PHF21A: variants seen among roughly 807,000 people sequenced by gnomAD.
PHF21A encodes the protein PHD finger protein 21A.
PHF21A carries 11 observed loss-of-function variants against 82.5 expected under a neutral mutation model. The ratio of observed to expected loss-of-function variants is 0.13; its 90% CI spans 0.08 to 0.22. PHF21A has a LOEUF of 0.22. PHF21A is among the 10% of genes least tolerant of loss of function. PHF21A has a pLI of 1.00. For missense variants in PHF21A, 579 were observed against 837.8 expected, an observed-to-expected ratio of 0.69 and a Z score of 3.81; for synonymous variants, 297 against 302.8, an observed-to-expected ratio of 0.98 and a Z score of 0.20.
intron 6 of PHF21A, among the ~76,000 whole-genome samples, chr11:46,059,031 C>G (rs2096496991): frequency 6.6e-6 from 1 of 152,174 alleles, no homozygotes; most frequent in East Asian, 1.9e-4. Flanking sequence ...TAATACAGTT[C>G]CAATAATTCC....
intron 8 of PHF21A, chr11:45,970,607 T>C (rs866656999): frequency 6.6e-6 from 1 of 152,242 alleles, no homozygotes; most frequent in East Asian, 1.9e-4. Flanking sequence ...TGAACAAAAC[T>C]TGGGCACTGA....
At chr11:46,103,288 T>G (rs2097118975) in intron 1 of PHF21A, among the ~76,000 whole-genome samples, 1 of 152,218 alleles carries the variant, frequency 6.6e-6, no homozygotes. Flanking sequence ...TTTTACAGAT[T>G]CTGCAAAGAG....
intron 12 of PHF21A, 115 bp downstream of exon 12, chr11:45,950,091 A>G: frequency 3.7e-6 from 3 of 810,404 alleles, no homozygotes; most frequent in Non-Finnish European, 5.9e-6. Context: ...ACATTGGCTG[A>G]ATCATACTCT....
intron 6 of PHF21A, among the ~76,000 whole-genome samples, chr11:46,075,348 C>T (rs963788024): frequency 6.6e-6 from 1 of 152,156 alleles, no homozygotes; most frequent in African/African-American, 2.4e-5. Flanking sequence ...CAGTTCTCAC[C>T]TTCTTCCCCT....
chr11:45,934,381 G>T, intron 18 of PHF21A, 156 bp from the exon 19 acceptor site: 1 of 713,106 alleles, frequency 1.4e-6, no homozygotes, highest in Non-Finnish European at 2.3e-6. Flanking sequence ...CAGTGGAGTG[G>T]GCGGCTACCA....
At chr11:46,115,453 T>C (rs1437820007) in intron 1 of PHF21A, among the ~76,000 whole-genome samples, 1 of 152,114 alleles carries the variant, frequency 6.6e-6, no homozygotes, top group Non-Finnish European at 1.5e-5. Context: ...ACATACAAAG[T>C]AGAAAACATA....
intron 6 of PHF21A, among the ~76,000 whole-genome samples, chr11:46,065,673 T>A (rs751808135): frequency 1.3e-5 from 2 of 152,210 alleles, no homozygotes; most frequent in Non-Finnish European, 2.9e-5. Flanking sequence ...AGAAATTCAA[T>A]GGACACAAAG....
intron 6 of PHF21A, among the ~76,000 whole-genome samples, chr11:46,020,865 G>C (rs1216588937): frequency 6.6e-6 from 1 of 152,180 alleles, no homozygotes; most frequent in African/African-American, 2.4e-5. Flanking sequence ...CATTCAGTAA[G>C]CTTCTCAATT....
In PHF21A at chr11:45,969,776, C is replaced by T. The variant is rs780428688; in HGVS notation, c.702+39G>A. 5.9e-6 allele frequency: 8 copies of T among 1,360,020 alleles called. No individual in the cohort carries two copies. In the African/African-American group the frequency reaches 1.1e-4, roughly 19 times the overall value. 84.2% of individuals were successfully genotyped at this position (1,360,020 alleles called of 1,614,324 possible). ...AAAGAGCCCATGAGGATTTCTGTCC[C>T]ATCTAACCTATCATTGAGCTTGTCA... is the stretch of plus-strand genomic sequence containing the variant. On this transcript the variant is annotated intron_variant, in intron 9 of 18. Coordinates refer to ENST00000676320, the MANE Select transcript of PHF21A (RefSeq NM_001352027.3).
chr11:45,991,403 C>T (rs1370826502), intron 6 of PHF21A, among the ~76,000 whole-genome samples: 1 of 152,048 alleles, frequency 6.6e-6, no homozygotes, highest in Non-Finnish European at 1.5e-5. Flanking sequence ...AGTGACTAAA[C>T]CTAGGTCACA....
chr11:46,068,226 G>A (rs2096617426), intron 6 of PHF21A, among the ~76,000 whole-genome samples: 1 of 152,094 alleles, frequency 6.6e-6, no homozygotes. Context: ...CATCCTCCAT[G>A]GGCCTAGTAT....
At chr11:45,965,002 C>A (rs1402299310) in intron 10 of PHF21A, among the ~76,000 whole-genome samples, 1 of 152,180 alleles carries the variant, frequency 6.6e-6, no homozygotes, top group Non-Finnish European at 1.5e-5. Flanking sequence ...TTTCTGTTTA[C>A]TACCTCATCT....
At chr11:45,955,307 CA>C (rs1817489203) in intron 10 of PHF21A, among the ~76,000 whole-genome samples, 1 of 152,066 alleles carries the variant, frequency 6.6e-6, no homozygotes, top group Non-Finnish European at 1.5e-5. Flanking sequence ...CACACACACA[CA>C]CTTTTTAATC....
chr11:46,092,321 G>GA (rs1255050859), intron 1 of PHF21A, 98 bp from the exon 2 acceptor site: 1 of 151,616 alleles, frequency 6.6e-6, no homozygotes, highest in Non-Finnish European at 1.5e-5. Flanking sequence ...ATTTTAAGAA[G>GA]AAAAAACAAA....
chr11:46,031,883 A>G (rs1208486490), intron 6 of PHF21A, among the ~76,000 whole-genome samples: 1 of 152,348 alleles, frequency 6.6e-6, no homozygotes, highest in East Asian at 1.9e-4. Context: ...ATGCTTGATT[A>G]AAGTTAGCAG....
At chr11:46,063,021 T>C (rs1049314410) in intron 6 of PHF21A, among the ~76,000 whole-genome samples, 1 of 152,204 alleles carries the variant, frequency 6.6e-6, no homozygotes, top group Non-Finnish European at 1.5e-5. Context: ...GATGACGGTT[T>C]CACACCATCA....
At chr11:46,101,918 C>T (rs1050692619) in intron 1 of PHF21A, among the ~76,000 whole-genome samples, 5 of 150,852 alleles carry the variant, frequency 3.3e-5, no homozygotes, top group Non-Finnish European at 5.9e-5. Flanking sequence ...GAAGCAGTGG[C>T]GCAATCTCGG....
At chr11:45,934,632 C>G (rs2088379266) in intron 18 of PHF21A, 1 of 226,674 alleles carries the variant, frequency 4.4e-6, no homozygotes, top group Non-Finnish European at 8.8e-6. Context: ...AACTGGGGAG[C>G]CTTCAGGACT....
intron 1 of PHF21A, among the ~76,000 whole-genome samples, chr11:46,097,330 C>T (rs1245708294): frequency 2.0e-5 from 3 of 152,090 alleles, no homozygotes; most frequent in Admixed American, 6.6e-5. Context: ...GTGATTTGGG[C>T]CTCTGCCACT....
Sources: allele counts gnomAD v4.1 joint callset (sites outside exome capture counted in the v4.1 genomes callset), GRCh38; gene constraint gnomAD v4.1.1; transcripts MANE v1.5; gene names NCBI Gene and HGNC (gene_info 2026-07-23, HGNC 2026-07-21).